DIS3L2: variants seen among roughly 807,000 people sequenced by gnomAD.
DIS3L2 encodes DIS3 like 3'-5' exoribonuclease 2, also known as DIS3-like exonuclease 2.
DIS3L2 carries 34 observed loss-of-function variants against 97.5 expected under a neutral mutation model. That is an observed-to-expected ratio of 0.35 (90% confidence interval 0.27 to 0.46). The LOEUF is 0.46. Ranked by LOEUF, DIS3L2 falls within the 20% of genes least tolerant of loss-of-function variation. The pLI is 1.00. For missense variants in DIS3L2, 1,038 were observed against 1,146.0 expected (o/e 0.91, Z 1.36); for synonymous variants, 435 against 445.2 (o/e 0.98, Z 0.29).
chr2:232,343,143 C>G, intron 13 of DIS3L2: 2 of 592,098 alleles, frequency 3.4e-6, no homozygotes, highest in Non-Finnish European at 6.1e-6. Context: ...CCCCCTCAAC[C>G]TGGCTCATCA....
intron 10 of DIS3L2, among the ~76,000 whole-genome samples, chr2:232,234,991 A>G (rs1284689712): frequency 6.6e-6 from 1 of 152,236 alleles, no homozygotes; most frequent in African/African-American, 2.4e-5. Context: ...ACTGGTTGGA[A>G]GGCTGGCTTC....
Position 232,336,306 on chromosome 2 carries a change from C to A in DIS3L2, c.2497-163C>A, listed in dbSNP as rs1196273442. 26 of 1,547,246 alleles carry A rather than the reference C, an allele frequency of 1.7e-5. No homozygotes were observed. The East Asian group carries it at 6.1e-4, about 36-fold the overall frequency. On this transcript the variant is annotated intron_variant, in intron 20 of 20. Transcript: ENST00000325385. ...TCTGACTCCCCAACTCTGCCCTGAC[C>A]CAGGGCATTCTTCCTGGAGGGGGCC...
chr2:232,189,319 A>G (rs1403282830), intron 9 of DIS3L2, among the ~76,000 whole-genome samples: 1 of 152,230 alleles, frequency 6.6e-6, no homozygotes, highest in Non-Finnish European at 1.5e-5. Flanking sequence ...TACTAGAAAC[A>G]GCCCAGATGT....
chr2:232,058,912 G>A (rs183315599), intron 5 of DIS3L2, among the ~76,000 whole-genome samples: 1 of 152,224 alleles, frequency 6.6e-6, no homozygotes, highest in East Asian at 1.9e-4. Flanking sequence ...GATTCATAAA[G>A]CATGTTTTTA....
chr2:232,046,209 G>A (rs1334427907), intron 5 of DIS3L2, among the ~76,000 whole-genome samples: 3 of 152,150 alleles, frequency 2.0e-5, no homozygotes, highest in Non-Finnish European at 4.4e-5. Flanking sequence ...AAAGGGAGGA[G>A]GTTGAGCCTG....
chr2:232,206,812 A>T (rs1445297259), intron 9 of DIS3L2, among the ~76,000 whole-genome samples: 1 of 152,202 alleles, frequency 6.6e-6, no homozygotes, highest in Non-Finnish European at 1.5e-5. Context: ...CTTACAGGCT[A>T]GTCTAGGATT....
At chr2:232,172,611 G>A in intron 9 of DIS3L2, 1 of 487,258 alleles carries the variant, frequency 2.1e-6, no homozygotes, top group Admixed American at 2.2e-5. Flanking sequence ...TTGTGTACAG[G>A]TTTTGGTGTG....
In DIS3L2 at chr2:232,210,315, C is replaced by T. The variant is rs2106217859; in HGVS notation, c.1125-11C>T. On this transcript the variant is annotated splice_polypyrimidine_tract_variant and intron_variant, in intron 9 of 20. Coordinates refer to ENST00000325385, the MANE Select transcript of DIS3L2 (RefSeq NM_152383.5). ...TGTGGCATTGCTAATTGTTTCTTCA[C>T]TCTTTCCTAGAAAAGACTGTATCTT... 4 of 1,610,208 alleles carry T rather than the reference C, an allele frequency of 2.5e-6. No homozygotes were observed. Among genetic ancestry groups the T allele is most frequent in the South Asian group, 2.2e-5 (2 of 90,984 alleles).
At chr2:232,299,922 C>T in intron 13 of DIS3L2, 118 bp from the exon 14 acceptor site, 3 of 1,023,062 alleles carry the variant, frequency 2.9e-6, no homozygotes, top group Non-Finnish European at 4.4e-6. Flanking sequence ...CCAGGTTCTC[C>T]ACAACACATT....
In DIS3L2 at chr2:232,076,758, C is replaced by T. The variant is rs550397062; in HGVS notation, c.367-10729C>T. Among the ~76,000 whole-genome samples the T allele has an allele frequency of 4.1e-4, 62 of 152,140 alleles. 1 individual carries two copies. The South Asian group carries it at 6.6e-3, about 16-fold the overall frequency. ...GTTGAATTTATCATTATTTTTCTTT[C>T]GTGGCAGTGTTTTTTATATATATTT... On this transcript the variant is annotated intron_variant, in intron 5 of 20. Transcript: ENST00000325385.
intron 1 of DIS3L2, among the ~76,000 whole-genome samples, chr2:231,966,640 C>CTTTTTTTT (rs1692723037): frequency 2.8e-5 from 2 of 70,524 alleles, no homozygotes; most frequent in South Asian, 5.1e-4. Flanking sequence ...AGTTAAAAAA[C>CTTTTTTTT]ATTTTTTTTT....
intron 1 of DIS3L2, among the ~76,000 whole-genome samples, chr2:232,012,508 G>A (rs1180423105): frequency 1.3e-5 from 2 of 152,092 alleles, no homozygotes; most frequent in African/African-American, 4.8e-5. Context: ...TTGTTTTTGG[G>A]TTGCTGGCAG....
At chr2:232,242,330 A>G (rs533209699) in intron 11 of DIS3L2, among the ~76,000 whole-genome samples, 2 of 152,302 alleles carry the variant, frequency 1.3e-5, no homozygotes, top group South Asian at 4.1e-4. Context: ...TGCGATGGCC[A>G]ATGGGTTATC....
chr2:232,343,995 CA>C (rs1696168737), exon 14 of DIS3L2: 1 of 164,078 alleles, frequency 6.1e-6, no homozygotes, highest in African/African-American at 2.4e-5. Context: ...AAGCCACAGG[CA>C]AGGGTAATCC....
rs187890410 is a variant in DIS3L2, at chr2:232,273,391, A to G, written c.1659+9951A>G. 5.3e-5 allele frequency among the ~76,000 whole-genome samples: 8 copies of G among 152,304 alleles called. No individual in the cohort carries two copies. The East Asian group carries it at 1.5e-3, about 29-fold the overall frequency. ...TCAAGGTCTTTAAACATCACTATAC[A>G]TATTGATCTTTTAAAAAAGATGATG... is the stretch of plus-strand genomic sequence containing the variant. On this transcript the variant is annotated intron_variant, in intron 13 of 20. Coordinates refer to ENST00000325385, the MANE Select transcript of DIS3L2 (RefSeq NM_152383.5).
rs572827318 is a variant in DIS3L2 at position 232,168,336 on chromosome 2, G to A, written c.1124+4704G>A. 2.6e-4 allele frequency among the ~76,000 whole-genome samples: 40 copies of A among 152,216 alleles called. 1 individual carries two copies. The South Asian group carries it at 8.1e-3, about 31-fold the overall frequency. On this transcript the variant is annotated intron_variant, in intron 9 of 20. Coordinates refer to ENST00000325385, the MANE Select transcript of DIS3L2 (RefSeq NM_152383.5). ...AGTATCTGATAGGTAACATATGACT[G>A]ATAGCCATTGTTTTGAAATTATAAT...
chr2:232,307,654 A>G (rs1417823315), intron 14 of DIS3L2: 1 of 152,214 alleles, frequency 6.6e-6, no homozygotes, highest in African/African-American at 2.4e-5. Context: ...TCCATGTACC[A>G]TAATCATGAT....
chr2:232,166,951 G>A (rs1374438503), intron 9 of DIS3L2, among the ~76,000 whole-genome samples: 1 of 151,898 alleles, frequency 6.6e-6, no homozygotes, highest in African/African-American at 2.4e-5. Flanking sequence ...AACCCAGGAG[G>A]CAGAGGTTGC....
intron 8 of DIS3L2, among the ~76,000 whole-genome samples, chr2:232,153,735 T>C (rs1574911984): frequency 6.7e-6 from 1 of 148,706 alleles, no homozygotes; most frequent in African/African-American, 2.5e-5. Context: ...TTCCTGAATC[T>C]GAACGTTGGC....
Sources: allele counts gnomAD v4.1 joint callset (sites outside exome capture counted in the v4.1 genomes callset), GRCh38; gene constraint gnomAD v4.1.1; transcripts MANE v1.5; gene names NCBI Gene and HGNC (gene_info 2026-07-23, HGNC 2026-07-21).